The following SPANXN3 variants were observed in gnomAD, a reference collection of about 807,000 sequenced individuals.
SPANXN3 encodes SPANX family member N3.
SPANXN3 carries 1 observed loss-of-function variant against 1.9 expected under a neutral mutation model. The ratio of observed to expected loss-of-function variants is 0.54; its 90% CI spans 0.19 to 2.54. The LOEUF (loss-of-function observed/expected upper bound fraction) is 2.54. Ranked by LOEUF, SPANXN3 falls within the 30% of genes most tolerant of loss-of-function variation. The probability of loss-of-function intolerance (pLI) is 0.24; values close to 1 mark genes in which losing one functional copy is unlikely to be tolerated. For synonymous variants in SPANXN3, 47 were observed against 40.0 expected (o/e 1.17, Z -0.66); for missense variants, 113 against 96.2 (o/e 1.17, Z -0.73).
At chrX:143,517,182 TG>T in intron 1 of SPANXN3, 131 bp downstream of exon 1, 1 of 784,096 alleles carries the variant, frequency 1.3e-6, no homozygotes. Flanking sequence ...TAAGCAGCGG[TG>T]GGCTCTGGCA....
intron 1 of SPANXN3, among the ~76,000 whole-genome samples, chrX:143,512,735 T>G (rs1556411934): frequency 9.0e-6 from 1 of 111,392 alleles, no homozygotes; most frequent in African/African-American, 3.3e-5. Flanking sequence ...CCAACTAGAG[T>G]GGACTGTACT....
rs782241528 is a variant in SPANXN3, at chrX:143,514,604, A to G, written c.78+2710T>C. ...TTCCTATACCTTCTGACAATAGTAG[A>G]TACATTCTCTGGATGGATAAAAGCT... is the stretch of plus-strand genomic sequence containing the variant. On this transcript the variant is annotated intron_variant, in intron 1 of 1. Coordinates refer to ENST00000370503, the MANE Select transcript of SPANXN3 (RefSeq NM_001009609.4). Among the ~76,000 whole-genome samples the G allele has an allele frequency of 4.5e-5, 5 of 111,208 alleles. No homozygotes were observed. In the South Asian group the frequency reaches 1.6e-3, roughly 35 times the overall value.
chrX:143,510,915 G>A (rs781869276), intron 1 of SPANXN3, among the ~76,000 whole-genome samples: 6 of 109,928 alleles, frequency 5.5e-5, no homozygotes, highest in South Asian at 8.1e-4. Flanking sequence ...CTCTTTTGCC[G>A]AAAACCAGAC....
Position 143,516,828 on chromosome X carries a change from C to G in SPANXN3, c.78+486G>C, listed in dbSNP as rs1436945839. Reference sequence around the variant, plus strand: ...CAGCCAGATAATCAACAATGCCCCTCTTCCTTTTATACTAAAGTAGAAGGC... The same window carrying G: ...CAGCCAGATAATCAACAATGCCCCTGTTCCTTTTATACTAAAGTAGAAGGC... On this transcript the variant is annotated intron_variant, in intron 1 of 1. Coordinates refer to ENST00000370503, the MANE Select transcript of SPANXN3 (RefSeq NM_001009609.4). 3.4e-5 allele frequency: 4 copies of G among 118,224 alleles called. No individual in the cohort carries two copies. In the Admixed American group the frequency reaches 3.5e-4, roughly 10 times the overall value. 9.7% of individuals were successfully genotyped at this position (118,224 alleles called of 1,213,427 possible). A position where few individuals can be genotyped will look rare whatever the true frequency, so the allele number is the denominator to read the frequency against.
Position 143,508,973 on chromosome X carries a change from C to T in SPANXN3, c.268G>A (p.Asp90Asn), listed in dbSNP as rs782105135. The T allele has an allele frequency of 2.5e-6, 3 of 1,212,060 alleles. No homozygotes were observed. Among genetic ancestry groups the T allele is most frequent in the Non-Finnish European group, 3.3e-6 (3 of 895,593 alleles). The change falls in exon 2 of 2, where the codon GAC (aspartate) becomes AAC (asparagine). Residue 90 changes from aspartate (D) to asparagine (N), a missense_variant. By Grantham distance (23) the Asp-to-Asn change is conservative. Coordinates refer to ENST00000370503, the MANE Select transcript of SPANXN3 (RefSeq NM_001009609.4). Reference sequence around the variant, plus strand: ...TCATTTGAAGATCCTTCAGATAAGTCTACGCCTTCGTCCTCCTCCTTTTGG... The same window carrying T: ...TCATTTGAAGATCCTTCAGATAAGTTTACGCCTTCGTCCTCCTCCTTTTGG... ...PIQKEEDEGV[D>N]LSEGSSNEDE...
intron 1 of SPANXN3, among the ~76,000 whole-genome samples, chrX:143,514,572 A>G (rs1445411563): frequency 9.0e-6 from 1 of 111,439 alleles, no homozygotes; most frequent in Non-Finnish European, 1.9e-5. Context: ...TGTCCCCCAG[A>G]AAGTGATTCC....
At chrX:143,511,221 A>G (rs1929084379) in intron 1 of SPANXN3, among the ~76,000 whole-genome samples, 1 of 111,448 alleles carries the variant, frequency 9.0e-6, no homozygotes, top group Non-Finnish European at 1.9e-5. Context: ...GATGCTGCTC[A>G]TAACCCAGTA....
intron 1 of SPANXN3, chrX:143,510,299 C>T (rs1398194521): frequency 9.0e-6 from 1 of 111,161 alleles, no homozygotes; most frequent in Non-Finnish European, 1.9e-5. Flanking sequence ...GTGACTGCAG[C>T]CTCCCTTCTC....
intron 1 of SPANXN3, among the ~76,000 whole-genome samples, chrX:143,512,062 T>C (rs1466886878): frequency 9.0e-6 from 1 of 111,341 alleles, no homozygotes; most frequent in East Asian, 2.8e-4. Flanking sequence ...TCGTCCTTTA[T>C]TATGCAACCT....
intron 1 of SPANXN3, among the ~76,000 whole-genome samples, chrX:143,513,729 C>G (rs1556412072): frequency 8.9e-6 from 1 of 112,070 alleles, no homozygotes; most frequent in African/African-American, 3.2e-5. Context: ...CTCTCCTCCT[C>G]CTTCCAACAC....
intron 1 of SPANXN3, among the ~76,000 whole-genome samples, chrX:143,513,335 G>A (rs1556412025): frequency 8.9e-6 from 1 of 112,097 alleles, no homozygotes; most frequent in Non-Finnish European, 1.9e-5. Context: ...CCTTGCCCTT[G>A]GACTACTCTG....
chrX:143,516,804 A>T (rs1556412661), intron 1 of SPANXN3: 1 of 117,143 alleles, frequency 8.5e-6, no homozygotes, highest in African/African-American at 3.3e-5. Flanking sequence ...GGCAGGAAGC[A>T]GCCAGATAAT....
intron 1 of SPANXN3, among the ~76,000 whole-genome samples, chrX:143,512,243 T>C (rs1361586776): frequency 3.6e-5 from 4 of 110,102 alleles, no homozygotes; most frequent in Non-Finnish European, 7.6e-5. Flanking sequence ...CCCCTACTCA[T>C]CCTCATTATC....
chrX:143,512,239 C>T (rs1311586603), intron 1 of SPANXN3, among the ~76,000 whole-genome samples: 2 of 110,327 alleles, frequency 1.8e-5, no homozygotes, highest in African/African-American at 6.6e-5. Context: ...TCTCCCCCTA[C>T]TCATCCTCAT....
chrX:143,512,716 C>T (rs1556411927), intron 1 of SPANXN3, among the ~76,000 whole-genome samples: 1 of 111,845 alleles, frequency 8.9e-6, no homozygotes, highest in African/African-American at 3.3e-5. Context: ...CTAATACTCA[C>T]ATGTGCACCC....
At position 143,508,912 on chromosome X, in the gene SPANXN3, T is replaced by C; in HGVS notation, c.329A>G (p.Lys110Arg). 5.0e-6 allele frequency: 6 copies of C among 1,211,777 alleles called. No homozygotes were observed. The highest frequency in any genetic ancestry group is 6.7e-6 in the Non-Finnish European group (6 of 895,423). Reference sequence around the variant, plus strand: ...AGATGAGTCTAGATCTTTGTCCTCCTTTGAAGGTCCTTCACATGGGCCTAG... The same window carrying C: ...AGATGAGTCTAGATCTTTGTCCTCCCTTGAAGGTCCTTCACATGGGCCTAG... ...EDLGPCEGPSKEDKDLDSSEG... is the reference protein window; with the variant it reads ...EDLGPCEGPSREDKDLDSSEG... The change falls in exon 2 of 2, where the codon AAG becomes AGG. Residue 110 changes from lysine to arginine, a missense_variant. By Grantham distance (26) the Lys-to-Arg change is conservative. Transcript: ENST00000370503.
At chrX:143,516,956 T>C (rs1929232614) in intron 1 of SPANXN3, among the ~76,000 whole-genome samples, 1 of 112,041 alleles carries the variant, frequency 8.9e-6, no homozygotes, top group Admixed American at 9.4e-5. Flanking sequence ...AGAAAAATCT[T>C]GCCTAATCGT....
Position 143,517,421 on chromosome X carries a change from T to C in SPANXN3, c.-30A>G, listed in dbSNP as rs781812392. Reference sequence around the variant, plus strand: ...CTGGTTGGTTGTAGAATGTCTATAGTAGGCTCCTGTAGACTGCAGACTTCC... The same window carrying C: ...CTGGTTGGTTGTAGAATGTCTATAGCAGGCTCCTGTAGACTGCAGACTTCC... On this transcript the variant is annotated 5_prime_UTR_variant, in exon 1 of 2. Coordinates refer to ENST00000370503, the MANE Select transcript of SPANXN3 (RefSeq NM_001009609.4). 3.5e-5 allele frequency: 42 copies of C among 1,186,423 alleles called. No individual in the cohort carries two copies. In the East Asian group the frequency reaches 1.2e-3, roughly 34 times the overall value.
In SPANXN3 at chrX:143,508,799, G is replaced by A; in HGVS notation, c.*16C>T. 8 of 1,173,916 alleles carry A rather than the reference G, an allele frequency of 6.8e-6. No homozygotes were observed. Among genetic ancestry groups the A allele is most frequent in the Non-Finnish European group, 9.2e-6 (8 of 868,579 alleles). On this transcript the variant is annotated 3_prime_UTR_variant, in exon 2 of 2. Coordinates refer to ENST00000370503, the MANE Select transcript of SPANXN3 (RefSeq NM_001009609.4). Reference sequence around the variant, plus strand: ...CAGTGGTGATGATTTGTCCAATTTGGTTTCTCCATGTGTGACTAATCCTCC... The same window carrying A: ...CAGTGGTGATGATTTGTCCAATTTGATTTCTCCATGTGTGACTAATCCTCC...
Sources: allele counts gnomAD v4.1 joint callset (sites outside exome capture counted in the v4.1 genomes callset), GRCh38; gene constraint gnomAD v4.1.1; transcripts MANE v1.5; gene names NCBI Gene and HGNC (gene_info 2026-07-23, HGNC 2026-07-21).